Variants in CLVS1 observed in about 807,000 individuals in gnomAD.
CLVS1 encodes clavesin 1, also known as clavesin-1.
In CLVS1, 10 loss-of-function variants were observed where a neutral mutation model predicts 33.1. The ratio of observed to expected loss-of-function variants is 0.30; its 90% CI spans 0.19 to 0.51. The LOEUF (loss-of-function observed/expected upper bound fraction) is 0.51, where lower values mean the gene tolerates loss of function less well. CLVS1 is among the 20% of genes least tolerant of loss of function. The pLI is 0.97. For synonymous variants in CLVS1, 163 were observed against 166.1 expected, an observed-to-expected ratio of 0.98 and a Z score of 0.14; for missense variants, 343 against 433.4, an observed-to-expected ratio of 0.79 and a Z score of 1.85.
intron 3 of CLVS1, among the ~76,000 whole-genome samples, chr8:61,406,437 A>G (rs757335025): frequency 3.1e-4 from 47 of 152,342 alleles, no homozygotes; most frequent in Admixed American, 1.3e-3. Context: ...ATAGGCTAGC[A>G]ATAAGTTGCG....
intron 2 of CLVS1, among the ~76,000 whole-genome samples, chr8:61,177,546 G>C (rs934245993): frequency 6.6e-6 from 1 of 152,068 alleles, no homozygotes; most frequent in Non-Finnish European, 1.5e-5. Context: ...CCTCCAACAG[G>C]GGTTGTCAGA....
intron 2 of CLVS1, among the ~76,000 whole-genome samples, chr8:61,342,813 G>A (rs192202165): frequency 6.6e-6 from 1 of 152,238 alleles, no homozygotes; most frequent in Admixed American, 6.5e-5. Context: ...CTGTGTGCTG[G>A]ACGGACTTTT....
intron 2 of CLVS1, among the ~76,000 whole-genome samples, chr8:61,361,436 G>T (rs970435027): frequency 3.9e-5 from 6 of 152,158 alleles, no homozygotes; most frequent in African/African-American, 1.2e-4. Flanking sequence ...ATGCTAGGTT[G>T]TCTCCTTTGT....
intron 2 of CLVS1, among the ~76,000 whole-genome samples, chr8:61,189,494 T>A (rs544852906): frequency 2.0e-5 from 3 of 152,332 alleles, no homozygotes; most frequent in East Asian, 1.9e-4. Flanking sequence ...GCTAACATCA[T>A]AATGACAGGA....
At chr8:61,408,776 G>A (rs962524971) in intron 3 of CLVS1, among the ~76,000 whole-genome samples, 3 of 152,130 alleles carry the variant, frequency 2.0e-5, no homozygotes, top group Non-Finnish European at 2.9e-5. Flanking sequence ...TCACTCTTGG[G>A]CTGAAACATG....
intron 2 of CLVS1, among the ~76,000 whole-genome samples, chr8:61,224,997 T>A (rs1447008470): frequency 6.6e-6 from 1 of 152,196 alleles, no homozygotes; most frequent in Non-Finnish European, 1.5e-5. Context: ...CAAAGTAATT[T>A]CATAGTTTGG....
At chr8:61,030,316 G>C in the CLVS1 span, among the ~76,000 whole-genome samples, 9 of 146,032 alleles carry the variant, frequency 6.2e-5, no homozygotes, top group African/African-American at 2.1e-4. Context: ...GGGTGGGGGG[G>C]CGCAAATCCT....
At chr8:61,264,592 G>C (rs773944301) in intron 2 of CLVS1, 1 of 152,204 alleles carries the variant, frequency 6.6e-6, no homozygotes. Context: ...CTTACAGACC[G>C]TAGTCAGATT....
the CLVS1 span, among the ~76,000 whole-genome samples, chr8:60,998,357 T>C: frequency 3.3e-5 from 5 of 152,194 alleles, no homozygotes; most frequent in African/African-American, 1.2e-4. Flanking sequence ...AGTGAACTTA[T>C]TTGACCTTGA....
At chr8:61,249,973 G>C (rs1420441970) in intron 2 of CLVS1, among the ~76,000 whole-genome samples, 2 of 152,114 alleles carry the variant, frequency 1.3e-5, no homozygotes, top group Non-Finnish European at 2.9e-5. Context: ...TGGTATTTTA[G>C]ACATGAAGTA....
Position 61,164,841 on chromosome 8 carries a change from C to T in CLVS1, c.-152+32981C>T, listed in dbSNP as rs539095383. On this transcript the variant is annotated intron_variant, in intron 2 of 2. Coordinates refer to the CLVS1 transcript ENST00000522621. ...AAAACCACTCCATGTGTGTCCATGT[C>T]ATTTTATCCAAACCCGTGTGAGACC... Among the ~76,000 whole-genome samples, 12 of 152,292 alleles carry T rather than the reference C, an allele frequency of 7.9e-5. No homozygotes were observed. In the South Asian group the frequency reaches 2.3e-3, roughly 29 times the overall value.
At chr8:61,144,147 C>T (rs951408374) in intron 2 of CLVS1, among the ~76,000 whole-genome samples, 1 of 151,944 alleles carries the variant, frequency 6.6e-6, no homozygotes, top group Admixed American at 6.6e-5. Context: ...GTTTGCTGCA[C>T]CCATCAACCC....
intron 2 of CLVS1, among the ~76,000 whole-genome samples, chr8:61,142,292 A>T (rs920136530): frequency 6.6e-6 from 1 of 152,168 alleles, no homozygotes; most frequent in African/African-American, 2.4e-5. Flanking sequence ...GCCATGTAAG[A>T]TGTGCCCTGC....
At chr8:61,413,216 T>C (rs1215194918) in intron 3 of CLVS1, among the ~76,000 whole-genome samples, 1 of 152,192 alleles carries the variant, frequency 6.6e-6, no homozygotes, top group Non-Finnish European at 1.5e-5. Flanking sequence ...AAACCCCTGG[T>C]AGAAGATTTA....
chr8:61,442,805 G>T (rs1816610521), intron 3 of CLVS1, among the ~76,000 whole-genome samples: 1 of 152,034 alleles, frequency 6.6e-6, no homozygotes, highest in African/African-American at 2.4e-5. Flanking sequence ...TCACCATATT[G>T]GCCAGACTGG....
intron 2 of CLVS1, among the ~76,000 whole-genome samples, chr8:61,215,682 ATGTGTGTG>A (rs72193127): frequency 0.023 from 3,255 of 143,790 alleles, 106 homozygotes; most frequent in African/African-American, 0.066. Flanking sequence ...GAAATTGAAA[ATGTGTGTG>A]TGTGTGTGTG....
At chr8:61,161,136 C>T (rs796982734) in intron 2 of CLVS1, among the ~76,000 whole-genome samples, 1 of 152,168 alleles carries the variant, frequency 6.6e-6, no homozygotes, top group South Asian at 2.1e-4. Context: ...AGTATCAACA[C>T]ACACCTGTTA....
At chr8:61,285,730 G>A (rs565445369), upstream of CLVS1, among the ~76,000 whole-genome samples, 6 of 152,264 alleles carry the variant, frequency 3.9e-5, no homozygotes, top group Non-Finnish European at 7.4e-5. Flanking sequence ...CTCTATCCAC[G>A]TGAGGGTGCA....
At chr8:61,462,175 T>G (rs1166920402) in intron 5 of CLVS1, among the ~76,000 whole-genome samples, 1 of 152,156 alleles carries the variant, frequency 6.6e-6, no homozygotes, top group Non-Finnish European at 1.5e-5. Flanking sequence ...GGAGTAACAT[T>G]CATGACGGTT....
Sources: gnomAD v4.1 joint callset for allele counts (sites outside exome capture counted in the v4.1 genomes callset) on GRCh38, gnomAD v4.1.1 for gene constraint, MANE v1.5 for transcripts, NCBI Gene and HGNC (gene_info 2026-07-23, HGNC 2026-07-21) for gene names.